Variants in LPXN observed in about 807,000 individuals in gnomAD.
LPXN encodes the protein leupaxin.
Under a neutral mutation model 45.6 loss-of-function variants are expected in LPXN, and 28 were observed. That is an observed-to-expected ratio of 0.61 (90% CI 0.45 to 0.84). The LOEUF is 0.84. Ranked by LOEUF, LPXN falls within the 40% of genes least tolerant of loss-of-function variation. The pLI is 0.00. For missense variants in LPXN, 459 were observed against 475.0 expected (o/e 0.97, Z 0.31); for synonymous variants, 166 against 169.9 (o/e 0.98, Z 0.18).
chr11:58,547,072 G>A (rs1853896590), intron 7 of LPXN, among the ~76,000 whole-genome samples: 1 of 152,154 alleles, frequency 6.6e-6, no homozygotes, highest in South Asian at 2.1e-4. Flanking sequence ...TTAGTGAGAT[G>A]CAGTTAGTGG....
At chr11:58,539,766 C>T (rs1034073510) in intron 7 of LPXN, among the ~76,000 whole-genome samples, 6 of 152,112 alleles carry the variant, frequency 3.9e-5, no homozygotes, top group South Asian at 2.1e-4. Flanking sequence ...AAGTGTCAAA[C>T]ACTTATCTCA....
chr11:58,574,552 C>A (rs183443825), intron 1 of LPXN, among the ~76,000 whole-genome samples: 1 of 151,904 alleles, frequency 6.6e-6, no homozygotes, highest in Non-Finnish European at 1.5e-5. Context: ...GAAAGCCTTT[C>A]GGTGTCCCCT....
intron 7 of LPXN, among the ~76,000 whole-genome samples, chr11:58,541,789 C>T (rs1316441050): frequency 6.6e-6 from 1 of 151,616 alleles, no homozygotes; most frequent in Non-Finnish European, 1.5e-5. Flanking sequence ...TGGAACCAAC[C>T]CAAATGTCCA....
At chr11:58,538,220 C>T (rs942668925) in intron 7 of LPXN, among the ~76,000 whole-genome samples, 4 of 152,128 alleles carry the variant, frequency 2.6e-5, no homozygotes, top group East Asian at 1.9e-4. Context: ...GTGAATAGTG[C>T]CGCCATAAAC....
At chr11:58,573,116 A>G (rs1590592633) in intron 1 of LPXN, among the ~76,000 whole-genome samples, 4 of 152,068 alleles carry the variant, frequency 2.6e-5, no homozygotes, top group South Asian at 4.2e-4. Flanking sequence ...ATGGCGGCAC[A>G]TGTCTGCAAT....
intron 7 of LPXN, among the ~76,000 whole-genome samples, chr11:58,533,320 G>A (rs562203951): frequency 4.6e-5 from 7 of 152,286 alleles, no homozygotes; most frequent in South Asian, 2.1e-4. Flanking sequence ...GACTAACAGC[G>A]GATCTCTTGG....
intron 7 of LPXN, among the ~76,000 whole-genome samples, chr11:58,537,251 G>A (rs2120227667): frequency 6.6e-6 from 1 of 152,254 alleles, no homozygotes; most frequent in Non-Finnish European, 1.5e-5. Flanking sequence ...GCAAAGACTT[G>A]GAACCAACCC....
intron 4 of LPXN, among the ~76,000 whole-genome samples, chr11:58,552,804 G>A (rs1396786671): frequency 1.3e-5 from 2 of 152,164 alleles, no homozygotes; most frequent in African/African-American, 2.4e-5. Flanking sequence ...AAGGGTGACT[G>A]ACATTAATTA....
Position 58,560,813 on chromosome 11 carries a change from T to C in LPXN, c.218+3342A>G, listed in dbSNP as rs1047325214. On this transcript the variant is annotated intron_variant, in intron 3 of 8. Transcript: ENST00000395074. Reference sequence around the variant, plus strand: ...CAAAGTTTGTGCTGTGTGTCCTGAATTATCTGCCAAAATAATGTTTAAAGG... The same window carrying C: ...CAAAGTTTGTGCTGTGTGTCCTGAACTATCTGCCAAAATAATGTTTAAAGG... 5.3e-5 allele frequency among the ~76,000 whole-genome samples: 8 copies of C among 152,344 alleles called. No homozygotes were observed. The South Asian group carries it at 1.7e-3, about 32-fold the overall frequency.
chr11:58,564,103 C>A, intron 3 of LPXN, 52 bp downstream of exon 3: 1 of 1,122,656 alleles, frequency 8.9e-7, no homozygotes. Context: ...AGATTGATAA[C>A]AATTATCTAC....
At chr11:58,567,677 A>T (rs1317117141) in intron 2 of LPXN, among the ~76,000 whole-genome samples, 2 of 152,192 alleles carry the variant, frequency 1.3e-5, no homozygotes, top group Non-Finnish European at 2.9e-5. Context: ...AAGCTGCTTC[A>T]CCATATTTGT....
chr11:58,554,949 G>C lies in LPXN; in HGVS notation c.219-9C>G. On this transcript the variant is annotated splice_polypyrimidine_tract_variant and intron_variant, in intron 3 of 8. Transcript: ENST00000395074. ...TTGGCTCTTGGGCTTCACTATAGAG[G>C]GAAAACAAAAAAGTCATATGAACAA... 6.3e-7 allele frequency: 1 copy of C among 1,587,038 alleles called. No individual in the cohort carries two copies. The highest frequency in any genetic ancestry group is 8.6e-7 in the Non-Finnish European group (1 of 1,157,130).
chr11:58,558,165 GA>G (rs530598718), intron 3 of LPXN, among the ~76,000 whole-genome samples: 3,996 of 142,886 alleles, frequency 0.028, 182 homozygotes, highest in African/African-American at 0.096. Flanking sequence ...AAGTTGTAAA[GA>G]AAAAAAAAAA....
At chr11:58,529,482 C>T (rs528305291) in intron 7 of LPXN, among the ~76,000 whole-genome samples, 8 of 151,562 alleles carry the variant, frequency 5.3e-5, no homozygotes, top group African/African-American at 7.3e-5. Flanking sequence ...TGGTGGCGAG[C>T]GCCTGTAGTC....
At chr11:58,578,598 G>A (rs182461616), upstream of LPXN, among the ~76,000 whole-genome samples, 11 of 152,280 alleles carry the variant, frequency 7.2e-5, no homozygotes, top group East Asian at 2.1e-3. Context: ...GCGGCGCTGG[G>A]GACAGAAAGG....
At chr11:58,574,336 T>A (rs893305503) in intron 1 of LPXN, among the ~76,000 whole-genome samples, 2 of 152,168 alleles carry the variant, frequency 1.3e-5, no homozygotes, top group African/African-American at 4.8e-5. Flanking sequence ...GAGCACCTTG[T>A]TGCTTAGTTT....
At chr11:58,565,058 G>T (rs1854488010) in intron 2 of LPXN, among the ~76,000 whole-genome samples, 1 of 152,124 alleles carries the variant, frequency 6.6e-6, no homozygotes, top group South Asian at 2.1e-4. Flanking sequence ...AGATGAGGTG[G>T]CCACATCACC....
chr11:58,540,344 C>A (rs747780332), intron 7 of LPXN, among the ~76,000 whole-genome samples: 2 of 152,090 alleles, frequency 1.3e-5, no homozygotes, highest in Non-Finnish European at 2.9e-5. Flanking sequence ...AATGCACTGA[C>A]CTTGCTGAGA....
chr11:58,564,873 A>G (rs1565202929), intron 2 of LPXN, among the ~76,000 whole-genome samples: 1 of 152,192 alleles, frequency 6.6e-6, no homozygotes, highest in Non-Finnish European at 1.5e-5. Context: ...ACGCTTGAGC[A>G]AGGACTTATA....
Sources: allele counts gnomAD v4.1 joint callset (sites outside exome capture counted in the v4.1 genomes callset), GRCh38; gene constraint gnomAD v4.1.1; transcripts MANE v1.5; gene names NCBI Gene and HGNC (gene_info 2026-07-23, HGNC 2026-07-21).